The following RALGPS2 variants were observed in gnomAD, a reference collection of about 807,000 sequenced individuals.
The protein encoded by RALGPS2 is ras-specific guanine nucleotide-releasing factor RalGPS2.
A neutral mutation model predicts 86.8 loss-of-function variants in RALGPS2; 43 were observed. That is an observed-to-expected ratio of 0.50 (90% CI 0.39 to 0.64). The LOEUF is 0.64. Ranked by LOEUF, RALGPS2 falls within the 30% of genes least tolerant of loss-of-function variation. RALGPS2 has a pLI of 0.00. For synonymous variants in RALGPS2, 243 were observed against 231.3 expected, an observed-to-expected ratio of 1.05 and a Z score of -0.46; for missense variants, 536 against 694.6, an observed-to-expected ratio of 0.77 and a Z score of 2.57.
intron 6 of RALGPS2, among the ~76,000 whole-genome samples, chr1:178,817,235 C>T (rs1331851028): frequency 6.6e-6 from 1 of 150,994 alleles, no homozygotes; most frequent in Non-Finnish European, 1.5e-5. Context: ...ATCCCAGCTA[C>T]TCAGAAGGCT....
chr1:178,769,788 C>T (rs920662510), intron 1 of RALGPS2, among the ~76,000 whole-genome samples: 4 of 152,242 alleles, frequency 2.6e-5, no homozygotes, highest in East Asian at 3.9e-4. Flanking sequence ...GTTCCAACAC[C>T]CCAGTTAGCT....
intron 4 of RALGPS2, among the ~76,000 whole-genome samples, chr1:178,803,497 T>C (rs1429587251): frequency 6.8e-6 from 1 of 146,726 alleles, no homozygotes; most frequent in Non-Finnish European, 1.5e-5. Context: ...GTATGTATGC[T>C]GTGATTTTGG....
intron 7 of RALGPS2, among the ~76,000 whole-genome samples, chr1:178,828,116 G>A (rs1316062694): frequency 6.6e-6 from 1 of 152,138 alleles, no homozygotes; most frequent in Non-Finnish European, 1.5e-5. Flanking sequence ...TATACAAAAT[G>A]GGATTGCATC....
intron 4 of RALGPS2, among the ~76,000 whole-genome samples, chr1:178,787,701 GACCTTT>G (rs1209019783): frequency 1.3e-5 from 2 of 152,058 alleles, no homozygotes; most frequent in South Asian, 4.1e-4. Flanking sequence ...AAATTCCCTT[GACCTTT>G]ACTCCATTTA....
At position 178,804,139 on chromosome 1, in the gene RALGPS2, G is replaced by T. The variant is rs1460122301; in HGVS notation, c.214-3906G>T. Among the ~76,000 whole-genome samples the T allele has an allele frequency of 2.0e-5, 3 of 148,670 alleles. No individual in the cohort carries two copies. In the East Asian group the frequency reaches 5.9e-4, roughly 29 times the overall value. On this transcript the variant is annotated intron_variant, in intron 4 of 19. Coordinates refer to ENST00000367635, the MANE Select transcript of RALGPS2 (RefSeq NM_152663.5). ...GTTTTGCATGTATCATGTTTAAGAA[G>T]TCAAATATTTGCATAAGAGAACAAA...
intron 7 of RALGPS2, among the ~76,000 whole-genome samples, chr1:178,824,223 G>A (rs1377487169): frequency 6.6e-6 from 1 of 152,164 alleles, no homozygotes; most frequent in Non-Finnish European, 1.5e-5. Flanking sequence ...AGAGAATGGT[G>A]ATGAAGAAGT....
intron 2 of RALGPS2, among the ~76,000 whole-genome samples, 182 bp downstream of exon 2, chr1:178,777,003 G>A (rs913843852): frequency 8.7e-5 from 13 of 150,226 alleles, no homozygotes; most frequent in African/African-American, 2.2e-4. Context: ...CACATTGTGC[G>A]GGTTAGTTAC....
At chr1:178,857,482 AT>A (rs1657668412) in intron 8 of RALGPS2, among the ~76,000 whole-genome samples, 1 of 152,196 alleles carries the variant, frequency 6.6e-6, no homozygotes, top group Admixed American at 6.5e-5. Flanking sequence ...CCACTATAAT[AT>A]GACAAGTACT....
intron 15 of RALGPS2, among the ~76,000 whole-genome samples, chr1:178,892,778 C>T (rs76266259): frequency 0.03 from 4,592 of 152,002 alleles, 224 homozygotes; most frequent in African/African-American, 0.1. Flanking sequence ...AATTCATATT[C>T]ATTCAGTTGT....
chr1:178,812,928 CTTTTTTTTTTTTT>C (rs397844555), intron 6 of RALGPS2, among the ~76,000 whole-genome samples: 5 of 106,852 alleles, frequency 4.7e-5, no homozygotes, highest in Non-Finnish European at 7.6e-5. Flanking sequence ...TAGGTAAATA[CTTTTTTTTTTTTT>C]TTTTTTTTGG....
chr1:178,766,386 A>AT (rs35601726), intron 1 of RALGPS2, among the ~76,000 whole-genome samples: 5,391 of 144,884 alleles, frequency 0.037, 117 homozygotes, highest in Middle Eastern at 0.061. Context: ...CACCCGGCTA[A>AT]TTTTTTTTTT....
At chr1:178,768,037 C>G (rs1652601822) in intron 1 of RALGPS2, among the ~76,000 whole-genome samples, 1 of 152,216 alleles carries the variant, frequency 6.6e-6, no homozygotes, top group African/African-American at 2.4e-5. Context: ...GCTACTGTAT[C>G]TGGCCTGATT....
At chr1:178,906,710 C>A in intron 18 of RALGPS2, 66 bp from the exon 19 acceptor site, 1 of 1,291,062 alleles carries the variant, frequency 7.7e-7, no homozygotes, top group Non-Finnish European at 1.1e-6. Context: ...TCATTATTAT[C>A]TGGCAGAATT....
intron 1 of RALGPS2, among the ~76,000 whole-genome samples, chr1:178,738,317 T>G (rs1650837640): frequency 6.7e-6 from 1 of 148,850 alleles, no homozygotes; most frequent in Admixed American, 6.8e-5. Context: ...CAAGGTACTC[T>G]CCTGTCTCAG....
chr1:178,808,119 A>G lies in RALGPS2; in HGVS notation c.288A>G (p.Arg96=), dbSNP rs1654823287. The G allele has an allele frequency of 1.3e-6, 2 of 1,598,878 alleles. No individual in the cohort carries two copies. The highest frequency in any genetic ancestry group is 1.1e-5 in the South Asian group (1 of 90,506). The change falls in exon 5 of 20, where the codon AGA becomes AGG. Residue 96 remains arginine, a synonymous_variant. Transcript: ENST00000367635. ...SAPNAVAFTR[R]FNHVSFWVVR... ...CAAATGCAGTTGCCTTCACAAGAAG[A>G]TTCAATCATGTGAGTTTATAAATTT...
chr1:178,916,148 T>A (rs2102427592), intron 19 of RALGPS2, among the ~76,000 whole-genome samples, 182 bp from the exon 20 acceptor site: 2 of 152,342 alleles, frequency 1.3e-5, no homozygotes, highest in South Asian at 4.1e-4. Flanking sequence ...TTTTGGTGAT[T>A]TTCTCTCAAA....
intron 19 of RALGPS2, among the ~76,000 whole-genome samples, chr1:178,910,681 T>C (rs1660585801): frequency 6.6e-6 from 1 of 152,226 alleles, no homozygotes; most frequent in African/African-American, 2.4e-5. Flanking sequence ...TTGTTGAGAA[T>C]TTTTGTGTCT....
In RALGPS2 at chr1:178,856,394, A is replaced by ATTTTTTT. The variant is rs71108081; in HGVS notation, c.608-21078_608-21072dup. 1.5e-3 allele frequency among the ~76,000 whole-genome samples: 53 copies of ATTTTTTT among 36,430 alleles called. 7 individuals carry two copies. Among genetic ancestry groups the ATTTTTTT allele is most frequent in the African/African-American group, 3.1e-3 (21 of 6,866 alleles). The allele number at this position is 36,430 out of a possible 152,430, so 23.9% of individuals were successfully genotyped here. A position where few individuals can be genotyped will look rare whatever the true frequency, so the allele number is the denominator to read the frequency against. ...AGGCAAGTGCCACCCTGCCTGGCTA[A>ATTTTTTT]TTTTTTTTTTTTTTTTTTTTTTTTT... is the stretch of plus-strand genomic sequence containing the variant. On this transcript the variant is annotated intron_variant, in intron 8 of 19. Coordinates refer to ENST00000367635, the MANE Select transcript of RALGPS2 (RefSeq NM_152663.5).
chr1:178,894,133 T>C (rs1251534701), intron 16 of RALGPS2, 109 bp downstream of exon 16: 2 of 634,216 alleles, frequency 3.2e-6, no homozygotes, highest in Non-Finnish European at 5.2e-6. Flanking sequence ...ATAGTAGACT[T>C]GAAATAATAT....
Sources: allele counts gnomAD v4.1 joint callset (sites outside exome capture counted in the v4.1 genomes callset), GRCh38; gene constraint gnomAD v4.1.1; transcripts MANE v1.5; gene names NCBI Gene and HGNC (gene_info 2026-07-23, HGNC 2026-07-21).